The following DIS3L2 variants were observed in gnomAD, a reference collection of about 807,000 sequenced individuals.
DIS3L2 encodes the protein DIS3 like 3'-5' exoribonuclease 2.
DIS3L2 carries 34 observed loss-of-function variants against 97.5 expected under a neutral mutation model. That is an observed-to-expected ratio of 0.35 (90% confidence interval 0.27 to 0.46). The LOEUF is 0.46. DIS3L2 is among the 20% of genes least tolerant of loss of function. DIS3L2 has a pLI of 1.00. For synonymous variants in DIS3L2, 435 were observed against 445.2 expected (o/e 0.98, Z 0.29); for missense variants, 1,038 against 1,146.0 (o/e 0.91, Z 1.36).
chr2:232,083,113 A>C (rs1696454157), intron 5 of DIS3L2, among the ~76,000 whole-genome samples: 1 of 150,324 alleles, frequency 6.7e-6, no homozygotes, highest in Non-Finnish European at 1.5e-5. Flanking sequence ...CTCCCATGAC[A>C]CATTGGAATT....
intron 9 of DIS3L2, among the ~76,000 whole-genome samples, chr2:232,199,606 A>G (rs1050642660): frequency 6.6e-6 from 1 of 152,226 alleles, no homozygotes; most frequent in Non-Finnish European, 1.5e-5. Context: ...AGGATTTATT[A>G]TTAAGTGCAA....
chr2:232,064,987 T>C (rs1383432890), intron 5 of DIS3L2, among the ~76,000 whole-genome samples: 3 of 152,194 alleles, frequency 2.0e-5, no homozygotes, highest in African/African-American at 7.2e-5. Context: ...TTTTAAATTA[T>C]GGTGAAATCC....
chr2:232,148,434 G>C (rs1475849331), intron 8 of DIS3L2, among the ~76,000 whole-genome samples: 2 of 152,224 alleles, frequency 1.3e-5, no homozygotes, highest in East Asian at 3.9e-4. Flanking sequence ...TCTGCCATAA[G>C]CTGTCCAGTC....
intron 9 of DIS3L2, among the ~76,000 whole-genome samples, chr2:232,183,421 G>A (rs72992319): frequency 0.012 from 1,830 of 152,266 alleles, 16 homozygotes; most frequent in Non-Finnish European, 0.018. Context: ...GCTCTGTGTC[G>A]ACTAATACCT....
intron 5 of DIS3L2, 48 bp from the exon 6 acceptor site, chr2:232,087,439 T>G (rs1469619869): frequency 6.9e-7 from 1 of 1,444,070 alleles, no homozygotes; most frequent in South Asian, 1.3e-5. Context: ...TGCTCTTTTT[T>G]TTTTTTCCTC....
chr2:232,005,093 C>T (rs539464281), intron 1 of DIS3L2, among the ~76,000 whole-genome samples: 43 of 149,452 alleles, frequency 2.9e-4, no homozygotes, highest in Non-Finnish European at 5.5e-4. Context: ...CTTAGTATGT[C>T]AAATAATTTT....
intron 9 of DIS3L2, among the ~76,000 whole-genome samples, chr2:232,181,064 C>G (rs373494685): frequency 0.095 from 10,426 of 109,326 alleles, 668 homozygotes; most frequent in African/African-American, 0.18. Flanking sequence ...TTCTCCTTCA[C>G]TTATGAAGCT....
intron 1 of DIS3L2, among the ~76,000 whole-genome samples, chr2:231,970,537 C>T (rs1217070468): frequency 6.6e-6 from 1 of 152,012 alleles, no homozygotes; most frequent in East Asian, 1.9e-4. Context: ...TGTATCTATA[C>T]ATAGAAAAGG....
In DIS3L2 at chr2:232,238,879, A is replaced by G. The variant is rs80029169; in HGVS notation, c.1317+234A>G. 0.02 allele frequency among the ~76,000 whole-genome samples: 2,972 copies of G among 152,328 alleles called. 101 individuals carry two copies. Among genetic ancestry groups the G allele is most frequent in the African/African-American group, 0.068 (2,844 of 41,556 alleles). The stretch of plus-strand genomic sequence containing the variant: ...TGCTTTCAAACGATTGTTCTAAAGC[A>G]GGGCTCGGCAAACTCAGCCCACACT... On this transcript the variant is annotated intron_variant, in intron 11 of 20. Coordinates refer to ENST00000325385, the MANE Select transcript of DIS3L2 (RefSeq NM_152383.5).
chr2:231,972,100 G>A (rs1420051598), intron 1 of DIS3L2, among the ~76,000 whole-genome samples: 1 of 151,846 alleles, frequency 6.6e-6, no homozygotes, highest in Admixed American at 6.5e-5. Context: ...CAGGAGAATT[G>A]CTTGAACCTG....
intron 6 of DIS3L2, among the ~76,000 whole-genome samples, chr2:232,103,406 G>T (rs901740973): frequency 1.7e-4 from 26 of 152,098 alleles, no homozygotes; most frequent in Non-Finnish European, 5.9e-5. Flanking sequence ...TATATTAAAA[G>T]TTTCTGTTGG....
At chr2:232,209,346 G>A (rs919921113) in intron 9 of DIS3L2, among the ~76,000 whole-genome samples, 2 of 152,142 alleles carry the variant, frequency 1.3e-5, no homozygotes, top group African/African-American at 4.8e-5. Flanking sequence ...TGCCAAGGAG[G>A]TTTTGAACAG....
chr2:232,022,385 C>CT (rs1694543683), intron 3 of DIS3L2, among the ~76,000 whole-genome samples: 2 of 152,268 alleles, frequency 1.3e-5, no homozygotes, highest in Admixed American at 1.3e-4. Context: ...TCAAGGTCTT[C>CT]TTAACATCTT....
At position 231,979,095 on chromosome 2, in the gene DIS3L2, AT is replaced by A. The variant is rs766853624; in HGVS notation, c.-94+17331del. Among the ~76,000 whole-genome samples the A allele has an allele frequency of 3.9e-5, 6 of 152,208 alleles. No homozygotes were observed. In the South Asian group the frequency reaches 6.2e-4, roughly 16 times the overall value. On this transcript the variant is annotated intron_variant, in intron 1 of 20. Coordinates refer to ENST00000325385, the MANE Select transcript of DIS3L2 (RefSeq NM_152383.5). ...TTTGATTTTTAAAATTTGAGACTTC[AT>A]CATTATGACATCTGTATTTTGCGTC...
chr2:232,031,835 T>A (rs531323209), intron 5 of DIS3L2, among the ~76,000 whole-genome samples: 1 of 152,290 alleles, frequency 6.6e-6, no homozygotes, highest in South Asian at 2.1e-4. Flanking sequence ...ATAAACTCAT[T>A]CTTTTTTATG....
intron 9 of DIS3L2, among the ~76,000 whole-genome samples, chr2:232,171,953 C>T (rs1288034199): frequency 2.6e-5 from 4 of 152,076 alleles, no homozygotes; most frequent in African/African-American, 9.7e-5. Flanking sequence ...AATTTATTCC[C>T]TAGAAATATT....
chr2:232,329,788 C>CCT, intron 14 of DIS3L2, 25 bp from the exon 15 acceptor site: 1 of 1,080,634 alleles, frequency 9.3e-7, no homozygotes, highest in South Asian at 1.9e-5. Flanking sequence ...CCAGCGGTCC[C>CCT]TCCCATCCCA....
intron 6 of DIS3L2, among the ~76,000 whole-genome samples, chr2:232,124,830 A>T (rs142142259): frequency 1.2e-3 from 186 of 152,350 alleles, no homozygotes; most frequent in African/African-American, 4.2e-3. Flanking sequence ...GAGAAAAAAA[A>T]GTTTGTCTTC....
At chr2:232,274,977 A>T (rs971974736) in intron 13 of DIS3L2, among the ~76,000 whole-genome samples, 4 of 152,164 alleles carry the variant, frequency 2.6e-5, no homozygotes, top group African/African-American at 9.7e-5. Context: ...TCTACATCAA[A>T]TCTAAGTGCC....
Sources: gnomAD v4.1 joint callset for allele counts (sites outside exome capture counted in the v4.1 genomes callset) on GRCh38, gnomAD v4.1.1 for gene constraint, MANE v1.5 for transcripts, NCBI Gene and HGNC (gene_info 2026-07-23, HGNC 2026-07-21) for gene names.